The following KDM4C variants were observed in gnomAD, a reference collection of about 807,000 sequenced individuals.
KDM4C encodes lysine demethylase 4C.
Under a neutral mutation model 129.3 loss-of-function variants are expected in KDM4C, and 81 were observed. That is an observed-to-expected ratio of 0.63 (90% CI 0.52 to 0.75). The LOEUF (loss-of-function observed/expected upper bound fraction) is 0.75. KDM4C is among the 30% of genes least tolerant of loss of function. The pLI is 0.00. For synonymous variants in KDM4C, 573 were observed against 456.1 expected (o/e 1.26, Z -3.26); for missense variants, 1,457 against 1,304.0 (o/e 1.12, Z -1.81).
chr9:7,029,650 G>C (rs1425839774), intron 15 of KDM4C, among the ~76,000 whole-genome samples: 3 of 151,866 alleles, frequency 2.0e-5, no homozygotes, highest in Non-Finnish European at 4.4e-5. Flanking sequence ...TTTAATTTGG[G>C]GGACAGTATA....
At chr9:6,915,722 G>A (rs1431636378) in intron 8 of KDM4C, among the ~76,000 whole-genome samples, 1 of 152,098 alleles carries the variant, frequency 6.6e-6, no homozygotes, top group Non-Finnish European at 1.5e-5. Context: ...CTTAGTCTTG[G>A]TGGCTATGCC....
At chr9:7,046,077 A>G (rs1425653400) in intron 15 of KDM4C, among the ~76,000 whole-genome samples, 1 of 152,060 alleles carries the variant, frequency 6.6e-6, no homozygotes, top group African/African-American at 2.4e-5. Context: ...ATTTAGGTCA[A>G]GAGAAGGCAG....
intron 4 of KDM4C, among the ~76,000 whole-genome samples, chr9:6,828,321 G>A (rs780390475): frequency 6.6e-6 from 1 of 151,906 alleles, no homozygotes; most frequent in Non-Finnish European, 1.5e-5. Flanking sequence ...CTAATTTTTT[G>A]TATTTTTAGT....
At chr9:6,855,938 G>T (rs1014780008) in intron 5 of KDM4C, among the ~76,000 whole-genome samples, 1 of 152,054 alleles carries the variant, frequency 6.6e-6, no homozygotes, top group African/African-American at 2.4e-5. Context: ...ATGGGGTCTC[G>T]CTGGGTTGCC....
chr9:7,032,718 A>C (rs997480550), intron 15 of KDM4C, among the ~76,000 whole-genome samples: 1 of 152,196 alleles, frequency 6.6e-6, no homozygotes, highest in African/African-American at 2.4e-5. Flanking sequence ...AGACCATCTC[A>C]TTCCCAGGCC....
chr9:6,827,638 C>T (rs1834111357), intron 4 of KDM4C, among the ~76,000 whole-genome samples: 2 of 152,190 alleles, frequency 1.3e-5, no homozygotes, highest in Non-Finnish European at 2.9e-5. Flanking sequence ...GAGTTCCTTT[C>T]CATTTTTTAT....
rs540135875 is a variant in KDM4C at position 6,939,263 on chromosome 9, T to C, written c.922-41662T>C. Reference sequence around the variant, plus strand: ...TTCTCATAGAGTGTGAACCCTGTTGTGAACTGCACATGGGAGGGATCTAGG... The same window carrying C: ...TTCTCATAGAGTGTGAACCCTGTTGCGAACTGCACATGGGAGGGATCTAGG... On this transcript the variant is annotated intron_variant, in intron 8 of 21. Transcript: ENST00000381309. Among the ~76,000 whole-genome samples, 5 of 152,182 alleles carry C rather than the reference T, an allele frequency of 3.3e-5. No individual in the cohort carries two copies. In the East Asian group the frequency reaches 9.8e-4, roughly 30 times the overall value.
chr9:6,964,796 A>C (rs1309880097), intron 8 of KDM4C, among the ~76,000 whole-genome samples: 3 of 150,412 alleles, frequency 2.0e-5, no homozygotes, highest in African/African-American at 4.9e-5. Context: ...AAAAAAAAAA[A>C]AAAAACCACA....
intron 1 of KDM4C, 116 bp from the exon 2 acceptor site, chr9:6,792,856 A>C: frequency 9.9e-7 from 1 of 1,008,894 alleles, no homozygotes; most frequent in Non-Finnish European, 1.5e-6. Flanking sequence ...GTAGAAGGGA[A>C]TGGGAAGTGA....
chr9:6,993,546 C>T (rs1819138783), intron 12 of KDM4C, among the ~76,000 whole-genome samples: 1 of 152,118 alleles, frequency 6.6e-6, no homozygotes, highest in African/African-American at 2.4e-5. Context: ...TCTTCTGTTG[C>T]CATTTGTTGA....
chr9:6,987,491 A>G (rs533935109), intron 11 of KDM4C, among the ~76,000 whole-genome samples: 15 of 152,256 alleles, frequency 9.9e-5, no homozygotes, highest in African/African-American at 3.4e-4. Context: ...TGATGTATCC[A>G]GCCTGATTAG....
chr9:6,731,331 T>C (rs1045264009), intron 1 of KDM4C, among the ~76,000 whole-genome samples: 3 of 116,450 alleles, frequency 2.6e-5, no homozygotes, highest in Non-Finnish European at 5.3e-5. Context: ...TTTGCTTTTT[T>C]TTTTTTTTTT....
At chr9:6,836,522 C>G (rs747193658) in intron 4 of KDM4C, among the ~76,000 whole-genome samples, 13 of 152,318 alleles carry the variant, frequency 8.5e-5, no homozygotes, top group Admixed American at 1.3e-4. Flanking sequence ...TGCTCAGGGA[C>G]CAACCACTCT....
At chr9:7,082,552 C>G (rs1834654274) in intron 17 of KDM4C, among the ~76,000 whole-genome samples, 1 of 152,168 alleles carries the variant, frequency 6.6e-6, no homozygotes, top group Admixed American at 6.5e-5. Context: ...CTGATTGCTT[C>G]CCATCCGTGA....
chr9:6,944,612 T>G (rs1029029665), intron 8 of KDM4C, among the ~76,000 whole-genome samples: 3 of 142,818 alleles, frequency 2.1e-5, no homozygotes, highest in African/African-American at 7.5e-5. Flanking sequence ...GTAAATGTCC[T>G]CTAAAATCCA....
chr9:7,159,722 C>T (rs1843573951), intron 19 of KDM4C, among the ~76,000 whole-genome samples: 2 of 152,150 alleles, frequency 1.3e-5, no homozygotes, highest in African/African-American at 4.8e-5. Context: ...GATGGGCTTC[C>T]CTTTGTGGGT....
chr9:6,985,495 G>A (rs2131854084), intron 10 of KDM4C, among the ~76,000 whole-genome samples: 1 of 152,306 alleles, frequency 6.6e-6, no homozygotes, highest in South Asian at 2.1e-4. Flanking sequence ...GGATGTTGCT[G>A]GTTTACCAAG....
At chr9:6,781,831 T>C (rs1432563815) in intron 1 of KDM4C, among the ~76,000 whole-genome samples, 8 of 152,104 alleles carry the variant, frequency 5.3e-5, no homozygotes, top group African/African-American at 1.9e-4. Context: ...TTTTTTTTTT[T>C]TTTTTTGAGA....
chr9:7,018,949 A>G (rs1824173030), intron 15 of KDM4C, among the ~76,000 whole-genome samples: 1 of 152,240 alleles, frequency 6.6e-6, no homozygotes, highest in Non-Finnish European at 1.5e-5. Context: ...ACTCTTGAAT[A>G]TAACATTACA....
Sources: allele counts gnomAD v4.1 joint callset (sites outside exome capture counted in the v4.1 genomes callset), GRCh38; gene constraint gnomAD v4.1.1; transcripts MANE v1.5; gene names NCBI Gene and HGNC (gene_info 2026-07-23, HGNC 2026-07-21).